FUT9: variants seen among roughly 807,000 people sequenced by gnomAD.
FUT9 encodes fucosyltransferase 9.
FUT9 carries 15 observed loss-of-function variants against 29.7 expected under a neutral mutation model. The ratio of observed to expected loss-of-function variants is 0.51; its 90% CI spans 0.34 to 0.78. The LOEUF is 0.78. Among genes scored for constraint, FUT9 ranks in the 30% least tolerant of loss-of-function variants. The pLI, the probability that FUT9 is intolerant of heterozygous loss-of-function variation, is 0.01. For synonymous variants in FUT9, 169 were observed against 153.7 expected (o/e 1.10, Z -0.74); for missense variants, 319 against 425.4 (o/e 0.75, Z 2.20).
chr6:96,049,103 A>G (rs1770617864), intron 1 of FUT9, among the ~76,000 whole-genome samples: 1 of 152,220 alleles, frequency 6.6e-6, no homozygotes. Context: ...TGAAAAGACA[A>G]GGGAAAATTA....
At chr6:96,075,933 A>T (rs1771136214) in intron 1 of FUT9, among the ~76,000 whole-genome samples, 1 of 152,176 alleles carries the variant, frequency 6.6e-6, no homozygotes, top group Non-Finnish European at 1.5e-5. Context: ...GCCTGTTGTT[A>T]GAGTGGGCTT....
intron 2 of FUT9, among the ~76,000 whole-genome samples, chr6:96,176,274 G>A (rs766463253): frequency 1.3e-5 from 2 of 151,956 alleles, no homozygotes; most frequent in Non-Finnish European, 2.9e-5. Context: ...AACTCCTCTA[G>A]TTAATCCCCT....
At chr6:96,090,095 A>G (rs1207221105) in intron 1 of FUT9, among the ~76,000 whole-genome samples, 2 of 152,146 alleles carry the variant, frequency 1.3e-5, no homozygotes, top group Admixed American at 6.6e-5. Flanking sequence ...ACAAGTACCA[A>G]TGGACATATA....
intron 2 of FUT9, among the ~76,000 whole-genome samples, chr6:96,162,689 G>A (rs886093576): frequency 6.6e-6 from 1 of 152,158 alleles, no homozygotes; most frequent in Admixed American, 6.5e-5. Context: ...GTATATGTCA[G>A]AGACCAACGT....
At chr6:96,075,755 C>T (rs1322907448) in intron 1 of FUT9, among the ~76,000 whole-genome samples, 1 of 152,054 alleles carries the variant, frequency 6.6e-6, no homozygotes, top group East Asian at 1.9e-4. Flanking sequence ...CAGCCGATTC[C>T]TTAAATTTTA....
intron 2 of FUT9, among the ~76,000 whole-genome samples, chr6:96,142,881 T>A (rs1036205273): frequency 6.6e-6 from 1 of 152,092 alleles, no homozygotes; most frequent in Non-Finnish European, 1.5e-5. Context: ...TACATAGGAT[T>A]ATCAAGATTT....
chr6:96,067,544 G>T (rs1431349431), intron 1 of FUT9, among the ~76,000 whole-genome samples: 1 of 152,094 alleles, frequency 6.6e-6, no homozygotes, highest in African/African-American at 2.4e-5. Flanking sequence ...GTTAGTGGTT[G>T]CTTGAAAAAG....
chr6:96,035,191 G>C (rs1027465560), intron 1 of FUT9, among the ~76,000 whole-genome samples: 1 of 151,598 alleles, frequency 6.6e-6, no homozygotes, highest in Non-Finnish European at 1.5e-5. Flanking sequence ...TATGAGGAGA[G>C]GGAGGGAGGG....
rs1175140095 is a variant in FUT9, at chr6:96,207,848, T to C, written c.*3613T>C. 2 of 166,880 alleles carry C rather than the reference T, an allele frequency of 1.2e-5. No individual in the cohort carries two copies. The highest frequency in any genetic ancestry group is 2.9e-5 in the Non-Finnish European group (2 of 68,010). 10.3% of individuals were successfully genotyped at this position (166,880 alleles called of 1,614,324 possible). A position where few individuals can be genotyped will look rare whatever the true frequency, so the allele number is the denominator to read the frequency against. On this transcript the variant is annotated 3_prime_UTR_variant, in exon 3 of 3. Coordinates refer to ENST00000302103, the MANE Select transcript of FUT9 (RefSeq NM_006581.4). Reference sequence around the variant, plus strand: ...AAATAAATGTTAATCATTATAGACCTTACTAATAAGAATATATACTGAATT... The same window carrying C: ...AAATAAATGTTAATCATTATAGACCCTACTAATAAGAATATATACTGAATT...
chr6:96,054,649 C>A (rs907361742), intron 1 of FUT9, among the ~76,000 whole-genome samples: 1 of 152,084 alleles, frequency 6.6e-6, no homozygotes, highest in South Asian at 2.1e-4. Context: ...GTGAAACAAT[C>A]CAGCATACTT....
intron 1 of FUT9, among the ~76,000 whole-genome samples, chr6:96,018,668 T>C (rs1448756874): frequency 6.6e-6 from 1 of 152,102 alleles, no homozygotes; most frequent in East Asian, 1.9e-4. Context: ...AAATATAAAT[T>C]AAACATTATA....
intron 1 of FUT9, among the ~76,000 whole-genome samples, chr6:96,088,501 A>G (rs989691908): frequency 2.0e-5 from 3 of 150,730 alleles, no homozygotes; most frequent in Non-Finnish European, 2.9e-5. Context: ...ACATTTCCCC[A>G]TAGCTGTATG....
chr6:96,094,379 C>G (rs1370821160), intron 1 of FUT9, among the ~76,000 whole-genome samples: 4 of 152,054 alleles, frequency 2.6e-5, no homozygotes, highest in Non-Finnish European at 5.9e-5. Flanking sequence ...CCCCAAAGCA[C>G]AAGGATGCTG....
intron 1 of FUT9, among the ~76,000 whole-genome samples, chr6:96,090,519 A>C (rs1346599821): frequency 6.6e-6 from 1 of 151,960 alleles, no homozygotes. Flanking sequence ...TAGTAAAATA[A>C]AACTGAAATT....
chr6:96,040,509 C>A (rs918429846), intron 1 of FUT9, among the ~76,000 whole-genome samples: 4 of 152,040 alleles, frequency 2.6e-5, no homozygotes, highest in Admixed American at 6.6e-5. Context: ...TCAGAAGGAT[C>A]AGATCAAAAA....
intron 1 of FUT9, among the ~76,000 whole-genome samples, chr6:96,094,229 T>G (rs928727831): frequency 6.6e-6 from 1 of 152,172 alleles, no homozygotes; most frequent in Non-Finnish European, 1.5e-5. Flanking sequence ...CTGAGTAGCA[T>G]GATGAAATCT....
chr6:96,097,445 C>T (rs1300885258), intron 1 of FUT9, among the ~76,000 whole-genome samples: 1 of 151,832 alleles, frequency 6.6e-6, no homozygotes, highest in Non-Finnish European at 1.5e-5. Context: ...TAAATATGTA[C>T]CTGAAAAGCA....
intron 1 of FUT9, among the ~76,000 whole-genome samples, chr6:96,044,457 T>TTGGGGAACAGC: frequency 1.3e-5 from 2 of 148,828 alleles, no homozygotes; most frequent in Non-Finnish European, 3.0e-5. Flanking sequence ...TAAACTAAAG[T>TTGGGGAACAGC]AAACACAAAA....
chr6:96,145,287 T>A (rs963194601), intron 2 of FUT9, among the ~76,000 whole-genome samples: 1 of 152,134 alleles, frequency 6.6e-6, no homozygotes, highest in Non-Finnish European at 1.5e-5. Context: ...CTCGATCTCC[T>A]GACCGTGATC....
Sources: gnomAD v4.1 joint callset for allele counts (sites outside exome capture counted in the v4.1 genomes callset) on GRCh38, gnomAD v4.1.1 for gene constraint, MANE v1.5 for transcripts, NCBI Gene and HGNC (gene_info 2026-07-23, HGNC 2026-07-21) for gene names.